DCC: variants seen among roughly 807,000 people sequenced by gnomAD.
DCC encodes netrin receptor DCC.
A neutral mutation model predicts 172.5 loss-of-function variants in DCC; 58 were observed. The observed-to-expected ratio is 0.34, with a 90% confidence interval of 0.27 to 0.42. The LOEUF (loss-of-function observed/expected upper bound fraction) is 0.42. Ranked by LOEUF, DCC falls within the 10% of genes least tolerant of loss-of-function variation. The pLI, the probability that DCC is intolerant of heterozygous loss-of-function variation, is 1.00. For synonymous variants in DCC, 709 were observed against 644.5 expected (o/e 1.10, Z -1.52); for missense variants, 1,740 against 1,791.0 (o/e 0.97, Z 0.51).
chr18:53,301,729 T>C (rs573774293), intron 12 of DCC, among the ~76,000 whole-genome samples: 5 of 152,212 alleles, frequency 3.3e-5, no homozygotes, highest in Non-Finnish European at 5.9e-5. Context: ...TTTATTTTTA[T>C]GTCAGGATTT....
chr18:53,155,978 G>A (rs1181063074), intron 7 of DCC, among the ~76,000 whole-genome samples: 1 of 152,144 alleles, frequency 6.6e-6, no homozygotes, highest in African/African-American at 2.4e-5. Flanking sequence ...GACAGATACT[G>A]ACAGGAATAA....
intron 18 of DCC, among the ~76,000 whole-genome samples, chr18:53,402,286 A>T (rs1909348012): frequency 6.6e-6 from 1 of 152,092 alleles, no homozygotes; most frequent in Admixed American, 6.5e-5. Flanking sequence ...GCTACTCAGG[A>T]GGCTGAGATG....
chr18:52,955,561 T>C (rs964342337), intron 5 of DCC, among the ~76,000 whole-genome samples: 2 of 152,062 alleles, frequency 1.3e-5, no homozygotes, highest in Non-Finnish European at 2.9e-5. Flanking sequence ...TGGGTAAATA[T>C]CAAAGAGCAT....
At chr18:52,630,596 CCAAA>C (rs113576545) in intron 1 of DCC, among the ~76,000 whole-genome samples, 2,244 of 151,938 alleles carry the variant, frequency 0.015, 51 homozygotes, top group African/African-American at 0.052. Flanking sequence ...GCTGCTTAGC[CCAAA>C]CAAAGGTGAT....
intron 20 of DCC, among the ~76,000 whole-genome samples, 194 bp downstream of exon 20, chr18:53,410,840 G>T (rs1013390213): frequency 2.0e-5 from 3 of 151,946 alleles, no homozygotes; most frequent in African/African-American, 7.2e-5. Flanking sequence ...TCAGCACATG[G>T]CAAACATATT....
Position 52,923,815 on chromosome 18 carries a change from C to A in DCC, c.806C>A (p.Pro269Gln), listed in dbSNP as rs1484995780. Residue 269 changes from proline (P) to glutamine (Q), a missense_variant, in exon 4 of 29, where the codon CCA becomes CAA. Around this residue, in one of 2 missense-constraint regions of DCC, gnomAD observed 1,732 missense variants for 1,767.4 expected, o/e 0.98. Coordinates refer to ENST00000442544, the MANE Select transcript of DCC (RefSeq NM_005215.4). ...TGTTGTGTTTCTGGCTATCCTCCAC[C>A]AAGTTTTACCTGGTTACGAGGCGAG... The part of the protein sequence containing the change: ...LECCVSGYPP[P>Q]SFTWLRGEEV... 1 of 1,613,362 alleles carries A rather than the reference C, an allele frequency of 6.2e-7. No individual in the cohort carries two copies. Among genetic ancestry groups the A allele is most frequent in the Non-Finnish European group, 8.5e-7 (1 of 1,179,532 alleles).
Position 52,340,827 on chromosome 18 carries a change from G to T in DCC, c.40G>T (p.Ala14Ser), listed in dbSNP as rs1461748482. Residue 14 changes from alanine (A) to serine (S), a missense_variant, in exon 1 of 29, where the codon GCT (alanine) becomes TCT (serine). Ala to Ser is a moderately conservative substitution (Grantham distance 99). Around this residue, in one of 2 missense-constraint regions of DCC, gnomAD observed 1,732 missense variants for 1,767.4 expected, o/e 0.98. Coordinates refer to ENST00000442544, the MANE Select transcript of DCC (RefSeq NM_005215.4). The part of the protein sequence containing the change: ...SLRCVWVPKL[A>S]FVLFGASLFS... ...TAGATGTGTTTGGGTACCCAAGCTGGCTTTTGTACTCTTCGGAGCTTCCTT... is the reference window on the plus strand; with the variant it reads ...TAGATGTGTTTGGGTACCCAAGCTGTCTTTTGTACTCTTCGGAGCTTCCTT... The T allele has an allele frequency of 2.5e-6, 4 of 1,614,146 alleles. No homozygotes were observed. The highest frequency in any genetic ancestry group is 3.4e-6 in the Non-Finnish European group (4 of 1,180,030).
intron 12 of DCC, among the ~76,000 whole-genome samples, chr18:53,279,828 G>A (rs577165514): frequency 5.3e-5 from 8 of 151,964 alleles, no homozygotes; most frequent in Admixed American, 3.3e-4. Flanking sequence ...GTGAACTAAC[G>A]CAGGAACAGA....
At chr18:52,451,813 G>A (rs1453274627) in intron 1 of DCC, among the ~76,000 whole-genome samples, 1 of 152,084 alleles carries the variant, frequency 6.6e-6, no homozygotes, top group East Asian at 1.9e-4. Flanking sequence ...CTTGGTTTAT[G>A]TATCTCTGTT....
intron 22 of DCC, among the ~76,000 whole-genome samples, chr18:53,444,761 A>T (rs1217617569): frequency 1.3e-5 from 2 of 152,250 alleles, no homozygotes; most frequent in Admixed American, 1.3e-4. Flanking sequence ...CTGGAAGACC[A>T]AAAAACTAGT....
At position 52,340,432 on chromosome 18, in the gene DCC, T is replaced by G; in HGVS notation, c.-356T>G. On this transcript the variant is annotated 5_prime_UTR_variant, in exon 1 of 29. An upstream start codon of the reference 5' UTR is lost. Coordinates refer to ENST00000442544, the MANE Select transcript of DCC (RefSeq NM_005215.4). ...CCATCTCCTCTTGGTCCCTCCTGGA[T>G]GTGGTTTATTGATGACTTGCGAGCC... 6.1e-5 allele frequency: 22 copies of G among 363,500 alleles called. No individual in the cohort carries two copies. Among genetic ancestry groups the G allele is most frequent in the Non-Finnish European group, 9.4e-5 (18 of 190,578 alleles). The allele number at this position is 363,500 out of a possible 1,614,324, so 22.5% of individuals were successfully genotyped here. A position where few individuals can be genotyped will look rare whatever the true frequency, so the allele number is the denominator to read the frequency against.
At chr18:52,909,077 G>T (rs927651910) in intron 3 of DCC, among the ~76,000 whole-genome samples, 1 of 152,030 alleles carries the variant, frequency 6.6e-6, no homozygotes, top group South Asian at 2.1e-4. Flanking sequence ...ACAAGATTGA[G>T]TGAGTGCATG....
Position 53,391,701 on chromosome 18 carries a change from C to T in DCC, c.2502C>T (p.Pro834=), listed in dbSNP as rs777040041. The part of the protein sequence containing the change: ...VDYYPLLDDF[P]TSVPDLSTPM... ...ATTATCCTTTGCTTGATGATTTCCC[C>T]ACCTCGGTCCCAGATCTCTCCACCC... The change falls in exon 17 of 29, where the codon CCC becomes CCT. Residue 834 remains proline, a synonymous_variant. Transcript: ENST00000442544. 1.9e-6 allele frequency: 3 copies of T among 1,614,082 alleles called. No homozygotes were observed. Among genetic ancestry groups the T allele is most frequent in the Non-Finnish European group, 2.5e-6 (3 of 1,179,978 alleles).
intron 7 of DCC, among the ~76,000 whole-genome samples, chr18:53,085,178 G>T (rs185762166): frequency 6.6e-6 from 1 of 152,288 alleles, no homozygotes; most frequent in East Asian, 1.9e-4. Context: ...AGGTTCTGAA[G>T]GACAAGAGAT....
chr18:52,498,828 C>T (rs997977983), intron 1 of DCC, among the ~76,000 whole-genome samples: 5 of 151,960 alleles, frequency 3.3e-5, no homozygotes, highest in African/African-American at 1.2e-4. Flanking sequence ...TGTAATAAGG[C>T]CACCAGATTT....
chr18:52,507,808 T>G (rs1221994), intron 1 of DCC, among the ~76,000 whole-genome samples: 36,947 of 152,006 alleles, frequency 0.24, 4,632 homozygotes, highest in African/African-American at 0.29. Flanking sequence ...GAAAATACAA[T>G]AATAATTTCA....
At chr18:52,841,831 C>A (rs1278754922) in intron 2 of DCC, among the ~76,000 whole-genome samples, 1 of 152,026 alleles carries the variant, frequency 6.6e-6, no homozygotes, top group Non-Finnish European at 1.5e-5. Flanking sequence ...TTCTTTCATC[C>A]CCTTTCTCCA....
chr18:52,840,579 G>A (rs1008970061), intron 2 of DCC, among the ~76,000 whole-genome samples: 7 of 152,168 alleles, frequency 4.6e-5, no homozygotes, highest in Non-Finnish European at 1.0e-4. Flanking sequence ...TAACGAAACT[G>A]TCCCAGTATG....
At chr18:52,542,351 G>T (rs1400073506) in intron 1 of DCC, among the ~76,000 whole-genome samples, 2 of 152,116 alleles carry the variant, frequency 1.3e-5, no homozygotes, top group African/African-American at 4.8e-5. Context: ...TTTTTTAAAT[G>T]AAGTAAGTGT....
Sources: allele counts gnomAD v4.1 joint callset (sites outside exome capture counted in the v4.1 genomes callset), GRCh38; gene constraint gnomAD v4.1.1; regional missense constraint gnomAD v4.1.1; transcripts MANE v1.5; gene names NCBI Gene and HGNC (gene_info 2026-07-23, HGNC 2026-07-21).